CTNNA3: variants seen among roughly 807,000 people sequenced by gnomAD.
The protein encoded by CTNNA3 is catenin alpha 3.
Under a neutral mutation model 95.7 loss-of-function variants are expected in CTNNA3, and 76 were observed. The ratio of observed to expected loss-of-function variants is 0.79; its 90% CI spans 0.66 to 0.96. The LOEUF (loss-of-function observed/expected upper bound fraction) is 0.96. Ranked by LOEUF, CTNNA3 falls within the 40% of genes least tolerant of loss-of-function variation. CTNNA3 has a pLI of 0.00. For synonymous variants in CTNNA3, 431 were observed against 374.4 expected (o/e 1.15, Z -1.74); for missense variants, 1,191 against 1,089.8 (o/e 1.09, Z -1.31).
intron 10 of CTNNA3, among the ~76,000 whole-genome samples, chr10:66,574,622 G>T (rs973474619): frequency 1.3e-5 from 2 of 151,084 alleles, no homozygotes; most frequent in African/African-American, 2.4e-5. Flanking sequence ...AACAAAGGTT[G>T]TTTTTTTTTC....
Position 66,325,140 on chromosome 10 carries a change from T to G in CTNNA3, c.1733-44519A>C, listed in dbSNP as rs900967890. ...CCAAAAGCAAACATTAAAATAAGAATAGGCACACGAAAGGCAGGAGTGCAA... is the reference window on the plus strand; with the variant it reads ...CCAAAAGCAAACATTAAAATAAGAAGAGGCACACGAAAGGCAGGAGTGCAA... On this transcript the variant is annotated intron_variant, in intron 12 of 17. Transcript: ENST00000433211. Among the ~76,000 whole-genome samples, 4 of 151,876 alleles carry G rather than the reference T, an allele frequency of 2.6e-5. No individual in the cohort carries two copies. In the East Asian group the frequency reaches 7.7e-4, roughly 29 times the overall value.
intron 12 of CTNNA3, among the ~76,000 whole-genome samples, chr10:66,357,917 G>C (rs1466555886): frequency 6.6e-6 from 1 of 152,048 alleles, no homozygotes; most frequent in African/African-American, 2.4e-5. Flanking sequence ...CACCAGCATT[G>C]TGTCCAATTT....
chr10:66,594,364 G>A lies in CTNNA3; in HGVS notation c.1374+27328C>T, dbSNP rs191765753. Among the ~76,000 whole-genome samples the A allele has an allele frequency of 2.0e-5, 3 of 152,086 alleles. No individual in the cohort carries two copies. The East Asian group carries it at 5.8e-4, about 29-fold the overall frequency. ...TTCAATAGCTTCCTACTTCCATCTT[G>A]TACCCTTATAATCCATTTGTCATAC... On this transcript the variant is annotated intron_variant, in intron 10 of 17. Coordinates refer to ENST00000433211, the MANE Select transcript of CTNNA3 (RefSeq NM_013266.4).
intron 7 of CTNNA3, among the ~76,000 whole-genome samples, chr10:66,865,215 T>TGC (rs949249654): frequency 3.0e-5 from 1 of 33,024 alleles, no homozygotes; most frequent in Non-Finnish European, 1.1e-4. Flanking sequence ...TGTGTGTGCG[T>TGC]GTGTGTGTGT....
chr10:66,052,468 TAAAAG>T (rs2079978976), intron 15 of CTNNA3, among the ~76,000 whole-genome samples: 1 of 152,104 alleles, frequency 6.6e-6, no homozygotes, highest in Admixed American at 6.6e-5. Flanking sequence ...TTAGAGAAAG[TAAAAG>T]AAATGTTTAC....
At chr10:67,440,331 C>T (rs1345237089) in intron 5 of CTNNA3, among the ~76,000 whole-genome samples, 2 of 152,160 alleles carry the variant, frequency 1.3e-5, no homozygotes, top group Non-Finnish European at 2.9e-5. Context: ...TAAAACAGAA[C>T]ACAAGGCAGA....
At chr10:67,253,148 C>T (rs1343199085) in intron 5 of CTNNA3, among the ~76,000 whole-genome samples, 1 of 152,130 alleles carries the variant, frequency 6.6e-6, no homozygotes, top group Non-Finnish European at 1.5e-5. Context: ...ATAAGGATTA[C>T]TTACACACAA....
At chr10:66,423,470 C>A (rs1422461949) in intron 11 of CTNNA3, among the ~76,000 whole-genome samples, 3 of 152,148 alleles carry the variant, frequency 2.0e-5, no homozygotes, top group Non-Finnish European at 4.4e-5. Context: ...TCAAAAACCA[C>A]CTAAATCCAA....
chr10:66,210,593 A>G (rs1417841145), intron 13 of CTNNA3, among the ~76,000 whole-genome samples: 3 of 152,164 alleles, frequency 2.0e-5, no homozygotes, highest in Non-Finnish European at 4.4e-5. Context: ...ATAAATGTAT[A>G]CATTTAGGTA....
chr10:67,360,445 A>G (rs1842959044), intron 5 of CTNNA3, among the ~76,000 whole-genome samples: 1 of 151,920 alleles, frequency 6.6e-6, no homozygotes, highest in Non-Finnish European at 1.5e-5. Flanking sequence ...CAAGAACCAA[A>G]TGTCTTCTCT....
At position 67,204,380 on chromosome 10, in the gene CTNNA3, CT is replaced by C. The variant is rs532509492; in HGVS notation, c.843+15226del. Among the ~76,000 whole-genome samples, 170 of 143,168 alleles carry C rather than the reference CT, an allele frequency of 1.2e-3. 1 individual carries two copies. The highest frequency in any genetic ancestry group is 4.7e-3 in the African/African-American group (155 of 33,186). 93.9% of individuals were successfully genotyped at this position (143,168 alleles called of 152,430 possible). A position where few individuals can be genotyped will look rare whatever the true frequency, so the allele number is the denominator to read the frequency against. Reference sequence around the variant, plus strand: ...GAAAGTGTATGGCACCTCCCCCCCTCTCTCTTCCTCCTGCTCCAGCCATGTA... The same window carrying C: ...GAAAGTGTATGGCACCTCCCCCCCTCCTCTTCCTCCTGCTCCAGCCATGTA... On this transcript the variant is annotated intron_variant, in intron 6 of 17. Coordinates refer to ENST00000433211, the MANE Select transcript of CTNNA3 (RefSeq NM_013266.4).
At chr10:66,443,324 C>A (rs548689870) in intron 11 of CTNNA3, among the ~76,000 whole-genome samples, 3 of 152,150 alleles carry the variant, frequency 2.0e-5, no homozygotes, top group Non-Finnish European at 2.9e-5. Flanking sequence ...TCTCCCAGCA[C>A]GCAGCTGGAG....
intron 9 of CTNNA3, among the ~76,000 whole-genome samples, chr10:66,629,691 G>T (rs1041835178): frequency 6.6e-6 from 1 of 151,940 alleles, no homozygotes; most frequent in African/African-American, 2.4e-5. Flanking sequence ...AGTCTGGCCT[G>T]AGAGTCATCA....
intron 1 of CTNNA3, chr10:67,648,647 G>T: frequency 1.1e-6 from 1 of 902,216 alleles, no homozygotes; most frequent in Non-Finnish European, 1.5e-6. Flanking sequence ...TATTACTTGA[G>T]TTTCTTCTCA....
chr10:66,661,370 C>T (rs976536576), intron 9 of CTNNA3, among the ~76,000 whole-genome samples: 6 of 152,148 alleles, frequency 3.9e-5, no homozygotes, highest in Non-Finnish European at 5.9e-5. Flanking sequence ...GAGACTGATT[C>T]GCTATCACGA....
chr10:67,319,833 T>C (rs1418950827), intron 5 of CTNNA3, among the ~76,000 whole-genome samples: 1 of 148,088 alleles, frequency 6.8e-6, no homozygotes, highest in Non-Finnish European at 1.5e-5. Context: ...GAGGTGGAGG[T>C]TCCAGTGAGC....
chr10:66,147,783 AGTAT>A (rs1246152731), intron 13 of CTNNA3, among the ~76,000 whole-genome samples: 7 of 6,100 alleles, frequency 1.1e-3, no homozygotes, highest in Admixed American at 2.7e-3. Flanking sequence ...TAGTATGTAT[AGTAT>A]GTATGTATAG....
intron 5 of CTNNA3, among the ~76,000 whole-genome samples, chr10:67,299,782 T>A (rs777185385): frequency 6.6e-6 from 1 of 152,228 alleles, no homozygotes; most frequent in Non-Finnish European, 1.5e-5. Context: ...AAGGCCCTTT[T>A]ACAAAGAGAC....
intron 5 of CTNNA3, among the ~76,000 whole-genome samples, chr10:67,250,680 A>G (rs1866074569): frequency 6.6e-6 from 1 of 152,156 alleles, no homozygotes; most frequent in Non-Finnish European, 1.5e-5. Context: ...ACCAGCGCAT[A>G]TGGAGGGCCA....
Sources: allele counts gnomAD v4.1 joint callset (sites outside exome capture counted in the v4.1 genomes callset), GRCh38; gene constraint gnomAD v4.1.1; transcripts MANE v1.5; gene names NCBI Gene and HGNC (gene_info 2026-07-23, HGNC 2026-07-21).